TMPRSS15: variants seen among roughly 807,000 people sequenced by gnomAD.
TMPRSS15 encodes the protein enteropeptidase.
In TMPRSS15, 128 loss-of-function variants were observed where a neutral mutation model predicts 125.3. The observed-to-expected ratio is 1.02, with a 90% CI of 0.89 to 1.18. The LOEUF (loss-of-function observed/expected upper bound fraction) is 1.18. TMPRSS15 is among the 50% of genes most tolerant of loss of function. The pLI is 0.00. For synonymous variants in TMPRSS15, 446 were observed against 423.2 expected (o/e 1.05, Z -0.66); for missense variants, 1,283 against 1,212.7 (o/e 1.06, Z -0.86).
intron 1 of TMPRSS15, among the ~76,000 whole-genome samples, chr21:18,475,196 C>A (rs767354976): frequency 3.3e-5 from 5 of 152,108 alleles, no homozygotes; most frequent in Non-Finnish European, 7.3e-5. Context: ...AAATGCCAAT[C>A]CCAAACTACT....
chr21:18,396,808 G>GTCTGTCTGTCTGTCTGTCTA (rs1461927983), intron 3 of TMPRSS15, among the ~76,000 whole-genome samples: 4,159 of 107,764 alleles, frequency 0.039, 152 homozygotes, highest in South Asian at 0.1. Context: ...CTGTCTGTCT[G>GTCTGTCTGTCTGTCTGTCTA]TCTATCTATC....
intron 5 of TMPRSS15, among the ~76,000 whole-genome samples, chr21:18,373,956 A>G (rs1259633061): frequency 6.6e-6 from 1 of 152,228 alleles, no homozygotes; most frequent in Non-Finnish European, 1.5e-5. Context: ...CTTTTTATGA[A>G]GCTTCAAGTT....
chr21:18,270,462 GC>G, intron 24 of TMPRSS15, among the ~76,000 whole-genome samples: 1 of 152,238 alleles, frequency 6.6e-6, no homozygotes, highest in African/African-American at 2.4e-5. Flanking sequence ...TTTATTAACA[GC>G]CAATCACTTT....
chr21:18,421,149 A>G (rs936836148), intron 1 of TMPRSS15, among the ~76,000 whole-genome samples: 2 of 152,218 alleles, frequency 1.3e-5, no homozygotes, highest in African/African-American at 2.4e-5. Context: ...TAGCACTAAT[A>G]TAGGATCAAT....
At chr21:18,478,076 T>G (rs932866527) in intron 1 of TMPRSS15, among the ~76,000 whole-genome samples, 1 of 152,062 alleles carries the variant, frequency 6.6e-6, no homozygotes, top group African/African-American at 2.4e-5. Context: ...CCTGTGTATA[T>G]ACAAGATGTT....
intron 1 of TMPRSS15, among the ~76,000 whole-genome samples, chr21:18,410,829 G>T (rs1461791473): frequency 6.6e-6 from 1 of 152,022 alleles, no homozygotes; most frequent in East Asian, 1.9e-4. Context: ...CTGACCTAAA[G>T]AACTAAAGAC....
intron 10 of TMPRSS15, among the ~76,000 whole-genome samples, chr21:18,351,472 G>A (rs889280226): frequency 6.6e-6 from 1 of 152,092 alleles, no homozygotes; most frequent in African/African-American, 2.4e-5. Context: ...GGATCACGGG[G>A]GCAATTTTTT....
In TMPRSS15 at chr21:18,294,601, A is replaced by G. The variant is rs762627432; in HGVS notation, c.2311+2T>C. The G allele has an allele frequency of 2.5e-6, 4 of 1,610,588 alleles. No individual in the cohort carries two copies. The highest frequency in any genetic ancestry group is 1.1e-5 in the South Asian group (1 of 91,000). ...GTGGGATATGACAACATATTTACTT[A>G]CATTTATGGTTACACTGTAACCGAA... On this transcript the variant is annotated splice_donor_variant, in intron 20 of 24. Transcript: ENST00000284885. LOFTEE classifies it high-confidence loss of function.
intron 1 of TMPRSS15, among the ~76,000 whole-genome samples, chr21:18,409,654 C>A (rs1247890189): frequency 6.6e-6 from 1 of 151,938 alleles, no homozygotes; most frequent in Non-Finnish European, 1.5e-5. Flanking sequence ...TAATTATAAT[C>A]TTTCTATTTT....
At chr21:18,396,570 C>T (rs1356599161) in intron 3 of TMPRSS15, among the ~76,000 whole-genome samples, 3 of 151,780 alleles carry the variant, frequency 2.0e-5, no homozygotes, top group African/African-American at 4.8e-5. Context: ...GTCAGGAGAT[C>T]GAGACGATCT....
chr21:18,420,413 T>A (rs1372986030), intron 1 of TMPRSS15, among the ~76,000 whole-genome samples: 1 of 147,300 alleles, frequency 6.8e-6, no homozygotes, highest in East Asian at 2.0e-4. Context: ...TTTCTATTTC[T>A]ATGTGGCTAG....
chr21:18,291,934 G>C (rs1160062790), intron 21 of TMPRSS15, among the ~76,000 whole-genome samples: 2 of 152,086 alleles, frequency 1.3e-5, no homozygotes, highest in African/African-American at 2.4e-5. Flanking sequence ...GAGAGCCAAA[G>C]TAACACCATT....
rs763270693 is a variant in TMPRSS15 at position 18,294,287 on chromosome 21, G to A, written c.2469C>T (p.Ala823=). 11 of 1,614,088 alleles carry A rather than the reference G, an allele frequency of 6.8e-6. No homozygotes were observed. The highest frequency in any genetic ancestry group is 1.6e-4 in the Middle Eastern group (1 of 6,070). Residue 823 remains alanine, a synonymous_variant, in exon 21 of 25, where the codon GCC becomes GCT. Transcript: ENST00000284885. ...SLVSSDWLVS[A]AHCVYGRNLE... is the part of the protein sequence containing the mutation. Reference sequence around the variant, plus strand: ...ACACTCACCCATACACGCAGTGTGCGGCGGACACCAGCCAGTCACTGCTGA... The same window carrying A: ...ACACTCACCCATACACGCAGTGTGCAGCGGACACCAGCCAGTCACTGCTGA...
At chr21:18,321,943 T>C (rs1321571624) in intron 16 of TMPRSS15, among the ~76,000 whole-genome samples, 1 of 152,216 alleles carries the variant, frequency 6.6e-6, no homozygotes, top group Non-Finnish European at 1.5e-5. Context: ...GTGATGGGCA[T>C]TGAAGACTCC....
intron 1 of TMPRSS15, among the ~76,000 whole-genome samples, chr21:18,468,681 G>T (rs1978716738): frequency 6.6e-6 from 1 of 152,056 alleles, no homozygotes; most frequent in Non-Finnish European, 1.5e-5. Flanking sequence ...TACAAGAAAA[G>T]CTTCAAAGGA....
chr21:18,436,812 C>G (rs2076228849), intron 1 of TMPRSS15, among the ~76,000 whole-genome samples: 1 of 83,760 alleles, frequency 1.2e-5, no homozygotes, highest in Non-Finnish European at 2.4e-5. Flanking sequence ...AATGGAAGAA[C>G]ATTCCATGCT....
chr21:18,290,248 G>A (rs893404847), intron 21 of TMPRSS15, among the ~76,000 whole-genome samples: 1 of 152,114 alleles, frequency 6.6e-6, no homozygotes, highest in African/African-American at 2.4e-5. Flanking sequence ...ATATAATAGA[G>A]CTTTGTTCAC....
At chr21:18,376,858 T>C (rs1019438479) in intron 5 of TMPRSS15, among the ~76,000 whole-genome samples, 3 of 152,208 alleles carry the variant, frequency 2.0e-5, no homozygotes, top group African/African-American at 7.2e-5. Context: ...ATGGACTTTG[T>C]ACCGTTATCA....
chr21:18,385,406 CT>C (rs1569048178), intron 3 of TMPRSS15, among the ~76,000 whole-genome samples: 1 of 152,166 alleles, frequency 6.6e-6, no homozygotes, highest in African/African-American at 2.4e-5. Flanking sequence ...TTTAACCATT[CT>C]TTATACCAAA....
Sources: allele counts gnomAD v4.1 joint callset (sites outside exome capture counted in the v4.1 genomes callset), GRCh38; gene constraint gnomAD v4.1.1; transcripts MANE v1.5; gene names NCBI Gene and HGNC (gene_info 2026-07-23, HGNC 2026-07-21).